ARAP1: variants seen among roughly 807,000 people sequenced by gnomAD.
The protein encoded by ARAP1 is arf-GAP with Rho-GAP domain, ANK repeat and PH domain-containing protein 1.
A neutral mutation model predicts 172.2 loss-of-function variants in ARAP1; 76 were observed. The observed-to-expected ratio is 0.44, with a 90% CI of 0.37 to 0.53. ARAP1 has a LOEUF of 0.53. Among genes scored for constraint, ARAP1 ranks in the 20% least tolerant of loss-of-function variants. The pLI, the probability that ARAP1 is intolerant of heterozygous loss-of-function variation, is 0.00. For synonymous variants in ARAP1, 804 were observed against 803.3 expected (o/e 1.00, Z -0.01); for missense variants, 1,686 against 1,977.5 (o/e 0.85, Z 2.80).
chr11:72,751,540 G>A (rs1029788734), intron 1 of ARAP1, among the ~76,000 whole-genome samples: 20 of 151,994 alleles, frequency 1.3e-4, no homozygotes, highest in Non-Finnish European at 1.3e-4. Context: ...CCTCAGTCTG[G>A]GACCCTGGGA....
chr11:72,688,550 AAGG>A lies in ARAP1; in HGVS notation c.3988-16_3988-14del, dbSNP rs1189417214. The A allele has an allele frequency of 2.5e-6, 4 of 1,608,914 alleles. No homozygotes were observed. Among genetic ancestry groups the A allele is most frequent in the African/African-American group, 1.3e-5 (1 of 74,970 alleles). On this transcript the variant is annotated splice_polypyrimidine_tract_variant and intron_variant, in intron 30 of 34. Transcript: ENST00000393609. The stretch of plus-strand genomic sequence containing the variant: ...CAGGCCGGTGACTCTGAGGTAGGGC[AAGG>A]AGAAGAGGGCACTTTAGTCTGCAGA...
intron 1 of ARAP1, among the ~76,000 whole-genome samples, chr11:72,736,745 T>C (rs994452825): frequency 6.6e-6 from 1 of 152,080 alleles, no homozygotes; most frequent in African/African-American, 2.4e-5. Context: ...ACTCAAAGCC[T>C]TTCCATGGTT....
At chr11:72,686,275 T>C in intron 33 of ARAP1, 84 bp from the exon 34 acceptor site, 1 of 1,499,582 alleles carries the variant, frequency 6.7e-7, no homozygotes, top group Non-Finnish European at 9.0e-7. Flanking sequence ...TTCCCAGAAA[T>C]GCCTCCAGCT....
At chr11:72,686,450 G>C (rs998051099) in intron 33 of ARAP1, among the ~76,000 whole-genome samples, 5 of 152,186 alleles carry the variant, frequency 3.3e-5, no homozygotes, top group African/African-American at 1.2e-4. Context: ...ATTTCTCTTA[G>C]AGGAACACGT....
chr11:72,693,355 G>A lies in ARAP1; in HGVS notation c.3924C>T (p.Ser1308=), dbSNP rs200975119. ...CCTCCTTGTAGAGCCGCAAGCAGCT[G>A]CTGTTGAGGATGAAGTAGCGATCGT... is the stretch of plus-strand genomic sequence containing the variant. ...GFHDRYFILN[S]SCLRLYKEVR... is the part of the protein sequence containing the mutation. Residue 1308 remains serine (S), a synonymous_variant, in exon 29 of 35, where the codon AGC becomes AGT. Transcript: ENST00000393609. The surrounding 1 kb of genome is among the most constrained non-coding windows in gnomAD (Gnocchi z 4.6). The A allele has an allele frequency of 2.5e-6, 4 of 1,613,802 alleles. No homozygotes were observed. The highest frequency in any genetic ancestry group is 3.4e-6 in the Non-Finnish European group (4 of 1,179,856).
At chr11:72,743,634 T>C (rs184741458) in intron 1 of ARAP1, among the ~76,000 whole-genome samples, 24 of 152,170 alleles carry the variant, frequency 1.6e-4, no homozygotes, top group African/African-American at 5.3e-4. Context: ...GAGTTGGAGA[T>C]TGACTCTGAG....
chr11:72,701,883 T>A, intron 15 of ARAP1, 100 bp from the exon 16 acceptor site: 1 of 1,466,638 alleles, frequency 6.8e-7, no homozygotes, highest in Non-Finnish European at 9.3e-7. Context: ...CACTTTCGAA[T>A]CATCAGCCCC....
chr11:72,697,577 CTCAGGGAGGCCG>C lies in ARAP1; in HGVS notation c.2789+9_2789+20del. On this transcript the variant is annotated intron_variant, in intron 20 of 34. Coordinates refer to ENST00000393609, the MANE Select transcript of ARAP1 (RefSeq NM_001040118.3). ...GACTGCTCCAGCCTTCTCAGAGCCC[CTCAGGGAGGCCG>C]TGGCTCACCTCCTTCGCTCCACCAG... 1 of 1,614,030 alleles carries C rather than the reference CTCAGGGAGGCCG, an allele frequency of 6.2e-7. No individual in the cohort carries two copies. The highest frequency in any genetic ancestry group is 1.1e-5 in the South Asian group (1 of 91,076).
chr11:72,742,877 C>G lies in ARAP1; in HGVS notation c.-128+9451G>C, dbSNP rs971637985. Reference sequence around the variant, plus strand: ...ACCTCCCTCAGAGTAAAAGCCAAAGCTAGCAGCCGGCCTGCCAGGCCTGTG... The same window carrying G: ...ACCTCCCTCAGAGTAAAAGCCAAAGGTAGCAGCCGGCCTGCCAGGCCTGTG... On this transcript the variant is annotated intron_variant, in intron 1 of 34. Transcript: ENST00000393609. Among the ~76,000 whole-genome samples, 3 of 152,236 alleles carry G rather than the reference C, an allele frequency of 2.0e-5. No individual in the cohort carries two copies. In the South Asian group the frequency reaches 6.2e-4, roughly 31 times the overall value.
chr11:72,693,016 G>A lies in ARAP1; in HGVS notation c.3955-231C>T. ...TGACAAGGCATGCATGCACAACTTG[G>A]GGCTGTCATCAAGTAACAGGTTCCT... On this transcript the variant is annotated intron_variant, in intron 29 of 34. Transcript: ENST00000393609. This position sits in a 1 kb window ranked among gnomAD's most constrained non-coding sequence, Gnocchi z 4.6. 1 of 646,928 alleles carries A rather than the reference G, an allele frequency of 1.5e-6. No homozygotes were observed. Among genetic ancestry groups the A allele is most frequent in the Admixed American group, 2.6e-5 (1 of 39,208 alleles). 40.1% of individuals were successfully genotyped at this position (646,928 alleles called of 1,614,324 possible). A position where few individuals can be genotyped will look rare whatever the true frequency, so the allele number is the denominator to read the frequency against.
rs767797020 is a variant in ARAP1 at position 72,699,059 on chromosome 11, C to G, written c.2487G>C (p.Leu829=). 5 of 1,614,190 alleles carry G rather than the reference C, an allele frequency of 3.1e-6. No homozygotes were observed. Among genetic ancestry groups the G allele is most frequent in the Non-Finnish European group, 4.2e-6 (5 of 1,180,038 alleles). The change falls in exon 18 of 35, where the codon CTG becomes CTC. Residue 829 remains leucine (L), a synonymous_variant. Transcript: ENST00000393609. This position sits in a 1 kb window ranked among gnomAD's most constrained non-coding sequence, Gnocchi z 4.2. The stretch of plus-strand genomic sequence containing the variant: ...CCTGCTCCGCACTCTCCAGCCCAAA[C>G]AGGTACAGCCGTTCTCCCTCCGTGT... The part of the protein sequence containing the change: ...EVYTEGERLY[L]FGLESAEQAH...
At chr11:72,706,625 G>A (rs968928305) in intron 12 of ARAP1, among the ~76,000 whole-genome samples, 3 of 152,140 alleles carry the variant, frequency 2.0e-5, no homozygotes, top group Non-Finnish European at 4.4e-5. Context: ...AAATGCTCAC[G>A]GCTTCCCCAG....
At chr11:72,740,124 G>A (rs541012624) in intron 1 of ARAP1, among the ~76,000 whole-genome samples, 2 of 152,286 alleles carry the variant, frequency 1.3e-5, no homozygotes, top group South Asian at 4.1e-4. Context: ...AGCAAGAAGA[G>A]GACAGGCTGG....
chr11:72,695,628 C>T lies in ARAP1; in HGVS notation c.3421G>A (p.Val1141Met). ...TGCTTCCTGAGCTCTTCCTCATCCACCTGGGAAGGGGCGAGAGGCAGGGAC... is the reference window on the plus strand; with the variant it reads ...TGCTTCCTGAGCTCTTCCTCATCCATCTGGGAAGGGGCGAGAGGCAGGGAC... The part of the protein sequence containing the change: ...LINHYVVVFS[V>M]DEEELRKQRE... Residue 1141 changes from valine to methionine, a missense_variant and splice_region_variant, in exon 25 of 35, where the codon GTG becomes ATG. Physicochemically the swap from Val to Met is conservative, Grantham distance 21. Around this residue, in one of 5 missense-constraint regions of ARAP1, gnomAD observed 379 missense variants for 500.1 expected, o/e 0.76. Transcript: ENST00000393609. This position sits in a 1 kb window ranked among gnomAD's most constrained non-coding sequence, Gnocchi z 4.4. 1 of 1,614,182 alleles carries T rather than the reference C, an allele frequency of 6.2e-7. No individual in the cohort carries two copies. Among genetic ancestry groups the T allele is most frequent in the South Asian group, 1.1e-5 (1 of 91,080 alleles).
intron 13 of ARAP1, chr11:72,705,549 C>T (rs1346717669): frequency 2.0e-6 from 1 of 490,918 alleles, no homozygotes; most frequent in East Asian, 3.3e-5. Flanking sequence ...ACAGTCTCTG[C>T]TGCATTTTCT....
intron 3 of ARAP1, chr11:72,721,759 G>A: frequency 1.0e-6 from 1 of 980,734 alleles, no homozygotes; most frequent in Non-Finnish European, 1.2e-6. Flanking sequence ...AGAAAACCAG[G>A]CCAGAGGTGA....
In ARAP1 at chr11:72,710,524, C is replaced by T. The variant is rs369752678; in HGVS notation, c.1277G>A (p.Arg426Gln). ...TCCCAGCAGATAAGCGCTAGAGAGC[C>T]GGGCCCGGGCACGCTGCTCAGCCAT... ...QAMAEQRARA[R>Q]LSSAYLLGVP... The change falls in exon 10 of 35, where the codon CGG becomes CAG. Residue 426 changes from arginine to glutamine, a missense_variant. Transcript: ENST00000393609. The surrounding 1 kb of genome is among the most constrained non-coding windows in gnomAD (Gnocchi z 4.3). 4.3e-5 allele frequency: 70 copies of T among 1,613,612 alleles called. No individual in the cohort carries two copies. The highest frequency in any genetic ancestry group is 6.6e-5 in the South Asian group (6 of 91,086).
chr11:72,700,733 G>A (rs2135514988), intron 16 of ARAP1, among the ~76,000 whole-genome samples: 1 of 152,364 alleles, frequency 6.6e-6, no homozygotes, highest in South Asian at 2.1e-4. Flanking sequence ...GCCAGGCGTG[G>A]TGACTCACGC....
At chr11:72,712,066 A>G (rs539129886) in intron 7 of ARAP1, 130 bp downstream of exon 7, 1 of 1,266,420 alleles carries the variant, frequency 7.9e-7, no homozygotes, top group South Asian at 1.6e-5. Flanking sequence ...GCCTGGAGGG[A>G]GACCTGTGCA....
Sources: gnomAD v4.1 joint callset for allele counts (sites outside exome capture counted in the v4.1 genomes callset) on GRCh38, gnomAD v4.1.1 for gene constraint, gnomAD v4.1.1 regional missense constraint, Gnocchi (gnomAD v3.1) non-coding constraint, MANE v1.5 for transcripts, NCBI Gene and HGNC (gene_info 2026-07-23, HGNC 2026-07-21) for gene names.